The following ATP2B2 variants were observed in gnomAD, a reference collection of about 807,000 sequenced individuals.
ATP2B2 encodes the protein ATPase plasma membrane Ca2+ transporting 2.
In ATP2B2, 15 loss-of-function variants were observed where a neutral mutation model predicts 120.0. The observed-to-expected ratio is 0.12, with a 90% CI of 0.08 to 0.19. The LOEUF is 0.19. ATP2B2 is among the 10% of genes least tolerant of loss of function. ATP2B2 has a pLI of 1.00. For missense variants in ATP2B2, 1,045 were observed against 1,719.8 expected, an observed-to-expected ratio of 0.61 and a Z score of 6.94; for synonymous variants, 694 against 700.3, an observed-to-expected ratio of 0.99 and a Z score of 0.14.
rs535151455 is a variant in ATP2B2 at position 10,657,899 on chromosome 3, C to T, written c.-459-37938G>A. Among the ~76,000 whole-genome samples the T allele has an allele frequency of 2.8e-4, 42 of 152,354 alleles. 1 individual carries two copies. The South Asian group carries it at 7.7e-3, about 28-fold the overall frequency. ...AGCTGGGTACCCCTCTGAGATGAAA[C>T]TTCCAGAGGAACTGTCAGGCAGCAA... On this transcript the variant is annotated intron_variant, in intron 1 of 21. Transcript: ENST00000646379.
In ATP2B2 at chr3:10,358,777, C is replaced by T; in HGVS notation, c.2050G>A (p.Glu684Lys). ...TCATTCTCATTGTCCCAGTCCGGCT[C>T]CGGGCTGCTGGGGAAGTCGCGGTAG... is the stretch of plus-strand genomic sequence containing the variant. ...VAYRDFPSSP[E>K]PDWDNENDIL... Residue 684 changes from glutamate to lysine, a missense_variant, in exon 14 of 23, where the codon GAG becomes AAG. This residue lies in a region of ATP2B2 where 343 missense variants were observed against 536.8 expected (regional missense o/e 0.64). Coordinates refer to ENST00000360273, the MANE Select transcript of ATP2B2 (RefSeq NM_001001331.4). 1.9e-6 allele frequency: 3 copies of T among 1,614,230 alleles called. No individual in the cohort carries two copies. The highest frequency in any genetic ancestry group is 2.5e-6 in the Non-Finnish European group (3 of 1,180,050).
intron 1 of ATP2B2, among the ~76,000 whole-genome samples, chr3:10,662,636 T>C (rs183051861): frequency 1.1e-3 from 171 of 152,040 alleles, no homozygotes; most frequent in African/African-American, 4.0e-3. Context: ...ACTTTTACAC[T>C]GTTGGTGGGA....
intron 2 of ATP2B2, among the ~76,000 whole-genome samples, chr3:10,431,140 C>G (rs550083530): frequency 6.6e-6 from 1 of 152,260 alleles, no homozygotes; most frequent in South Asian, 2.1e-4. Flanking sequence ...GAGCTGGAAT[C>G]TATTTTGGGT....
intron 22 of ATP2B2, chr3:10,336,320 G>T: frequency 1.9e-6 from 3 of 1,548,492 alleles, no homozygotes; most frequent in Non-Finnish European, 2.6e-6. Flanking sequence ...AGGAGAGAAC[G>T]AGACAAGTTG....
chr3:10,524,959 T>C (rs1575458321), intron 3 of ATP2B2, among the ~76,000 whole-genome samples: 2 of 152,176 alleles, frequency 1.3e-5, no homozygotes, highest in South Asian at 4.1e-4. Flanking sequence ...ATGCCACCCC[T>C]GTGCTGGGCA....
At chr3:10,687,893 C>T (rs376104947) in intron 1 of ATP2B2, among the ~76,000 whole-genome samples, 7 of 151,876 alleles carry the variant, frequency 4.6e-5, no homozygotes, top group East Asian at 1.9e-4. Context: ...ACCATTGGGC[C>T]GCAAGACATC....
At chr3:10,352,781 T>C (rs1434456145) in intron 14 of ATP2B2, among the ~76,000 whole-genome samples, 13 of 152,230 alleles carry the variant, frequency 8.5e-5, no homozygotes, top group Admixed American at 8.5e-4. Flanking sequence ...GGCTGTAAAC[T>C]GGGCTGTGGC....
At chr3:10,601,207 A>T (rs9822852) in intron 2 of ATP2B2, among the ~76,000 whole-genome samples, 140,785 of 152,166 alleles carry the variant, frequency 0.93, 65,208 homozygotes, top group Middle Eastern at 0.96. Context: ...AAGAAGAAGG[A>T]GTCCCCAGAG....
chr3:10,508,713 G>A (rs4684703), upstream of ATP2B2, among the ~76,000 whole-genome samples: 96,150 of 152,098 alleles, frequency 0.63, 32,446 homozygotes, highest in African/African-American at 0.86. Flanking sequence ...AGGATGTGTT[G>A]GGGGGCAGGG....
At chr3:10,526,550 A>C (rs1389606029) in intron 3 of ATP2B2, among the ~76,000 whole-genome samples, 1 of 152,130 alleles carries the variant, frequency 6.6e-6, no homozygotes, top group Admixed American at 6.5e-5. Flanking sequence ...GGTAGCCTCC[A>C]ACCTGGGCTG....
intron 1 of ATP2B2, among the ~76,000 whole-genome samples, chr3:10,639,194 A>C (rs2070104614): frequency 6.6e-6 from 1 of 152,212 alleles, no homozygotes; most frequent in Non-Finnish European, 1.5e-5. Context: ...TCGGAAAGAC[A>C]CTATTAAGAA....
intron 1 of ATP2B2, among the ~76,000 whole-genome samples, chr3:10,481,362 C>T (rs573891944): frequency 1.3e-5 from 2 of 151,940 alleles, no homozygotes; most frequent in Admixed American, 1.3e-4. Context: ...CTCAGGGCTT[C>T]TGCCTGCCCT....
At chr3:10,621,042 C>T (rs150623765) in intron 1 of ATP2B2, among the ~76,000 whole-genome samples, 148 of 152,318 alleles carry the variant, frequency 9.7e-4, no homozygotes, top group African/African-American at 3.3e-3. Context: ...TGACACCGGG[C>T]ACTTGGTGCT....
intron 22 of ATP2B2, chr3:10,336,430 A>C (rs995883666): frequency 3.2e-6 from 3 of 950,142 alleles, no homozygotes; most frequent in African/African-American, 3.3e-5. Context: ...ATCAAAACAA[A>C]AATACCAGAC....
At chr3:10,670,959 G>C (rs2071079399) in intron 1 of ATP2B2, among the ~76,000 whole-genome samples, 1 of 152,232 alleles carries the variant, frequency 6.6e-6, no homozygotes. Context: ...TGGCTTTGGT[G>C]CATGGAGGCT....
rs527855764 is a variant in ATP2B2, at chr3:10,517,287, C to A, written c.-320+16752G>T. Among the ~76,000 whole-genome samples, 6 of 152,292 alleles carry A rather than the reference C, an allele frequency of 3.9e-5. No homozygotes were observed. The East Asian group carries it at 7.7e-4, about 20-fold the overall frequency. Reference sequence around the variant, plus strand: ...AGTGTCACACTGGGCAGATGCATCTCGCCTCGGCCACCCCTTCCCCTTCCC... The same window carrying A: ...AGTGTCACACTGGGCAGATGCATCTAGCCTCGGCCACCCCTTCCCCTTCCC... On this transcript the variant is annotated intron_variant, in intron 3 of 21. Coordinates refer to the ATP2B2 transcript ENST00000646379.
intron 2 of ATP2B2, among the ~76,000 whole-genome samples, chr3:10,611,978 CTCCTGTCTACATT>C: frequency 6.6e-6 from 1 of 152,296 alleles, no homozygotes; most frequent in Non-Finnish European, 1.5e-5. Flanking sequence ...GAAATGGTTT[CTCCTGTCTACATT>C]TCTGCCAGCC....
intron 5 of ATP2B2, among the ~76,000 whole-genome samples, chr3:10,394,258 C>T (rs186513380): frequency 6.4e-4 from 98 of 152,226 alleles, no homozygotes; most frequent in African/African-American, 2.0e-3. Context: ...AAAGCCAAAA[C>T]GATTCCCAGC....
intron 2 of ATP2B2, among the ~76,000 whole-genome samples, chr3:10,598,183 A>G (rs1009456944): frequency 7.2e-5 from 11 of 152,234 alleles, no homozygotes; most frequent in African/African-American, 2.2e-4. Context: ...TGAACTGAGC[A>G]TAATTTGAGG....
Sources: allele counts gnomAD v4.1 joint callset (sites outside exome capture counted in the v4.1 genomes callset), GRCh38; gene constraint gnomAD v4.1.1; regional missense constraint gnomAD v4.1.1; transcripts MANE v1.5; gene names NCBI Gene and HGNC (gene_info 2026-07-23, HGNC 2026-07-21).